Variants in HS3ST3A1 observed in about 807,000 individuals in gnomAD.
HS3ST3A1 encodes the protein heparan sulfate-glucosamine 3-sulfotransferase 3A1, also known as heparan sulfate glucosamine 3-O-sulfotransferase 3A1.
A neutral mutation model predicts 25.7 loss-of-function variants in HS3ST3A1; 19 were observed. The ratio of observed to expected loss-of-function variants is 0.74; its 90% CI spans 0.52 to 1.08. The LOEUF is 1.08. Ranked by LOEUF, HS3ST3A1 falls within the 50% of genes least tolerant of loss-of-function variation. The pLI is 0.00. For synonymous variants in HS3ST3A1, 226 were observed against 278.6 expected, an observed-to-expected ratio of 0.81 and a Z score of 1.88; for missense variants, 459 against 594.3, an observed-to-expected ratio of 0.77 and a Z score of 2.37.
intron 1 of HS3ST3A1, among the ~76,000 whole-genome samples, chr17:13,562,717 C>T (rs1412660351): frequency 6.6e-6 from 1 of 152,076 alleles, no homozygotes; most frequent in Non-Finnish European, 1.5e-5. Context: ...CACGGGCAAA[C>T]GTTTCCACTG....
intron 1 of HS3ST3A1, among the ~76,000 whole-genome samples, chr17:13,564,693 T>G (rs1306596498): frequency 6.6e-6 from 1 of 151,382 alleles, no homozygotes; most frequent in Admixed American, 6.6e-5. Flanking sequence ...GAATGTCCCC[T>G]GTGCTTAGAA....
chr17:13,596,737 G>A (rs1183079117), intron 1 of HS3ST3A1, among the ~76,000 whole-genome samples: 2 of 152,124 alleles, frequency 1.3e-5, no homozygotes, highest in Non-Finnish European at 2.9e-5. Context: ...CGGCCAGACT[G>A]CAGCTTCGTG....
In HS3ST3A1 at chr17:13,496,200, T is replaced by C; in HGVS notation, c.1218A>G (p.Gly406=). The stretch of plus-strand genomic sequence containing the variant: ...TTTTTCTTTTTAAATTATATGGTTA[T>C]CCATCCCAGCCAAAGTCGTGCCCGG... ...QMTGHDFGWD[G] is the part of the protein sequence containing the mutation. The change falls in exon 2 of 2, where the codon GGA becomes GGG. Residue 406 remains glycine, a synonymous_variant. Coordinates refer to ENST00000284110, the MANE Select transcript of HS3ST3A1 (RefSeq NM_006042.3). 1.2e-6 allele frequency: 2 copies of C among 1,602,574 alleles called. No individual in the cohort carries two copies. Among genetic ancestry groups the C allele is most frequent in the South Asian group, 2.2e-5 (2 of 89,436 alleles).
intron 1 of HS3ST3A1, among the ~76,000 whole-genome samples, chr17:13,568,882 AC>A (rs1907736792): frequency 6.6e-6 from 1 of 152,226 alleles, no homozygotes. Flanking sequence ...TGGTTCTCAC[AC>A]TTCACGGGAA....
In HS3ST3A1 at chr17:13,565,845, C is replaced by G. The variant is rs576145306; in HGVS notation, c.599+34686G>C. Among the ~76,000 whole-genome samples the G allele has an allele frequency of 5.3e-5, 8 of 152,312 alleles. No homozygotes were observed. The East Asian group carries it at 1.4e-3, about 26-fold the overall frequency. ...TCTTTGTTTATCTGAAAGTTCTCCACGTTCTGTCCTCTGGAAGTTTTATTA... is the reference window on the plus strand; with the variant it reads ...TCTTTGTTTATCTGAAAGTTCTCCAGGTTCTGTCCTCTGGAAGTTTTATTA... On this transcript the variant is annotated intron_variant, in intron 1 of 1. Transcript: ENST00000284110.
chr17:13,496,205 C>A lies in HS3ST3A1; in HGVS notation c.1213G>T (p.Asp405Tyr), dbSNP rs746415528. 6.2e-7 allele frequency: 1 copy of A among 1,600,056 alleles called. No individual in the cohort carries two copies. Among genetic ancestry groups the A allele is most frequent in the Admixed American group, 1.7e-5 (1 of 57,610 alleles). The change falls in exon 2 of 2, where the codon GAT becomes TAT. Residue 405 changes from aspartate to tyrosine, a missense_variant. By Grantham distance (160) the Asp-to-Tyr change is radical (BLOSUM62 -3). Around this residue, in one of 3 missense-constraint regions of HS3ST3A1, gnomAD observed 46 missense variants for 59.0 expected, o/e 0.78. Transcript: ENST00000284110. ...YQMTGHDFGW[D>Y]G is the part of the protein sequence containing the mutation. The stretch of plus-strand genomic sequence containing the variant: ...CTTTTTAAATTATATGGTTATCCAT[C>A]CCAGCCAAAGTCGTGCCCGGTCATC...
rs138345003 is a variant in HS3ST3A1 at position 13,543,791 on chromosome 17, T to C, written c.600-46973A>G. The C allele has an allele frequency of 2.0e-5, 3 of 152,562 alleles. No homozygotes were observed. In the East Asian group the frequency reaches 5.8e-4, roughly 30 times the overall value. 9.5% of individuals were successfully genotyped at this position (152,562 alleles called of 1,614,324 possible). A position where few individuals can be genotyped will look rare whatever the true frequency, so the allele number is the denominator to read the frequency against. On this transcript the variant is annotated intron_variant, in intron 1 of 1. Coordinates refer to ENST00000284110, the MANE Select transcript of HS3ST3A1 (RefSeq NM_006042.3). ...ATGAGAATGAGCTACATAACAAAAG[T>C]GGGTAAGATCCCATCTCATAAATAA...
At position 13,511,737 on chromosome 17, in the gene HS3ST3A1, C is replaced by G. The variant is rs60571298; in HGVS notation, c.600-14919G>C. 5.0e-4 allele frequency among the ~76,000 whole-genome samples: 75 copies of G among 151,094 alleles called. No individual in the cohort carries two copies. The East Asian group carries it at 0.01, about 20-fold the overall frequency. On this transcript the variant is annotated intron_variant, in intron 1 of 1. Coordinates refer to ENST00000284110, the MANE Select transcript of HS3ST3A1 (RefSeq NM_006042.3). ...GGATGTTAAAAGCTAGAATGGAGAA[C>G]AGTTCTAACTTTATAAATATGTTTG...
Position 13,496,043 on chromosome 17 carries a change from T to C in HS3ST3A1, c.*154A>G. 1 of 945,054 alleles carries C rather than the reference T, an allele frequency of 1.1e-6. No homozygotes were observed. Among genetic ancestry groups the C allele is most frequent in the Non-Finnish European group, 1.5e-6 (1 of 665,262 alleles). 58.5% of individuals were successfully genotyped at this position (945,054 alleles called of 1,614,324 possible). Reference sequence around the variant, plus strand: ...CCACGTGTTTGGTGTTGGTTATACATTAAGATGGGGCGGGAGTGAGAACAA... The same window carrying C: ...CCACGTGTTTGGTGTTGGTTATACACTAAGATGGGGCGGGAGTGAGAACAA... On this transcript the variant is annotated 3_prime_UTR_variant, in exon 2 of 2. Transcript: ENST00000284110.
chr17:13,513,769 A>T (rs1363570320), intron 1 of HS3ST3A1, among the ~76,000 whole-genome samples: 2 of 152,212 alleles, frequency 1.3e-5, no homozygotes, highest in Non-Finnish European at 2.9e-5. Flanking sequence ...GGTTGTTTCT[A>T]AAGTCAAACA....
rs397960321 is a variant in HS3ST3A1, at chr17:13,578,393, C to CAA, written c.599+22136_599+22137dup. Among the ~76,000 whole-genome samples the CAA allele has an allele frequency of 9.6e-3, 914 of 94,906 alleles. 8 individuals are homozygous for CAA. The highest frequency in any genetic ancestry group is 0.015 in the Non-Finnish European group (662 of 45,152). 62.3% of individuals were successfully genotyped at this position (94,906 alleles called of 152,430 possible). A position where few individuals can be genotyped will look rare whatever the true frequency, so the allele number is the denominator to read the frequency against. ...TGAAATCCCCGTCTCTACAAAAATA[C>CAA]AAAAAAAAAAAAAAAAAAAATTAGC... On this transcript the variant is annotated intron_variant, in intron 1 of 1. Transcript: ENST00000284110.
At chr17:13,564,390 C>T (rs964832791) in intron 1 of HS3ST3A1, among the ~76,000 whole-genome samples, 3 of 152,112 alleles carry the variant, frequency 2.0e-5, no homozygotes, top group African/African-American at 7.2e-5. Flanking sequence ...ACAGTTGTCC[C>T]TTGGTATCCA....
Position 13,556,376 on chromosome 17 carries a change from C to T in HS3ST3A1, c.599+44155G>A, listed in dbSNP as rs370556563. On this transcript the variant is annotated intron_variant, in intron 1 of 1. Transcript: ENST00000284110. ...ACAAAAAATCAGTGGGGCCTGGTGG[C>T]GGGCACCTGTAGTCCCAGCTACTCG... 2.7e-3 allele frequency among the ~76,000 whole-genome samples: 404 copies of T among 151,752 alleles called. 3 individuals carry two copies. Among genetic ancestry groups the T allele is most frequent in the African/African-American group, 9.4e-3 (388 of 41,362 alleles).
chr17:13,523,304 G>T (rs1906306951), intron 1 of HS3ST3A1, among the ~76,000 whole-genome samples: 1 of 152,210 alleles, frequency 6.6e-6, no homozygotes, highest in Non-Finnish European at 1.5e-5. Flanking sequence ...GGCCAGTCTA[G>T]TTAATTTCTT....
At chr17:13,555,201 T>A (rs1490971134) in intron 1 of HS3ST3A1, among the ~76,000 whole-genome samples, 2 of 152,158 alleles carry the variant, frequency 1.3e-5, no homozygotes, top group Admixed American at 1.3e-4. Flanking sequence ...GGGCCTTTTC[T>A]GCCTGGAGTT....
At chr17:13,572,531 G>A (rs909698497) in intron 1 of HS3ST3A1, among the ~76,000 whole-genome samples, 1 of 152,204 alleles carries the variant, frequency 6.6e-6, no homozygotes, top group Admixed American at 6.5e-5. Flanking sequence ...GAAAGTATGC[G>A]AGAGCTGCTA....
intron 1 of HS3ST3A1, among the ~76,000 whole-genome samples, chr17:13,517,872 G>C (rs2142314605): frequency 6.6e-6 from 1 of 152,256 alleles, no homozygotes; most frequent in East Asian, 1.9e-4. Flanking sequence ...TCAAACTCCT[G>C]ACCTCAGGTG....
intron 1 of HS3ST3A1, among the ~76,000 whole-genome samples, chr17:13,535,367 A>G (rs1477909370): frequency 1.3e-5 from 2 of 152,228 alleles, no homozygotes; most frequent in Non-Finnish European, 1.5e-5. Context: ...CGTTTTAAAC[A>G]GTGAAATCAA....
chr17:13,556,767 G>A (rs564474618), intron 1 of HS3ST3A1, among the ~76,000 whole-genome samples: 6 of 150,770 alleles, frequency 4.0e-5, no homozygotes, highest in East Asian at 2.0e-4. Context: ...CAAGAGAATC[G>A]CTTGAAACCG....
Sources: allele counts gnomAD v4.1 joint callset (sites outside exome capture counted in the v4.1 genomes callset), GRCh38; gene constraint gnomAD v4.1.1; regional missense constraint gnomAD v4.1.1; transcripts MANE v1.5; gene names NCBI Gene and HGNC (gene_info 2026-07-23, HGNC 2026-07-21).